ARHGAP6: variants seen among roughly 807,000 people sequenced by gnomAD.
ARHGAP6 encodes the protein rho GTPase-activating protein 6.
A neutral mutation model predicts 55.7 loss-of-function variants in ARHGAP6; 16 were observed. That is an observed-to-expected ratio of 0.29 (90% CI 0.19 to 0.44). The LOEUF (loss-of-function observed/expected upper bound fraction) is 0.44, where lower values mean the gene tolerates loss of function less well. Among genes scored for constraint, ARHGAP6 ranks in the 20% least tolerant of loss-of-function variants. The probability of loss-of-function intolerance (pLI) is 1.00; values close to 1 mark genes in which losing one functional copy is unlikely to be tolerated. For missense variants in ARHGAP6, 698 were observed against 808.9 expected, an observed-to-expected ratio of 0.86 and a Z score of 1.66; for synonymous variants, 382 against 360.9, an observed-to-expected ratio of 1.06 and a Z score of -0.66.
chrX:11,227,511 G>A (rs2047066336), intron 2 of ARHGAP6, among the ~76,000 whole-genome samples: 1 of 111,546 alleles, frequency 9.0e-6, no homozygotes, highest in Non-Finnish European at 1.9e-5. Flanking sequence ...TCTCTTCTGA[G>A]CCATCCTTCA....
intron 1 of ARHGAP6, among the ~76,000 whole-genome samples, chrX:11,546,957 A>G (rs2051217532): frequency 8.9e-6 from 1 of 112,573 alleles, no homozygotes; most frequent in African/African-American, 3.2e-5. Flanking sequence ...TGAACTCAAC[A>G]TCAAACACCC....
intron 1 of ARHGAP6, among the ~76,000 whole-genome samples, chrX:11,494,987 A>G (rs761237029): frequency 1.1e-3 from 123 of 112,300 alleles, no homozygotes; most frequent in Non-Finnish European, 2.2e-3. Context: ...TTTTATAACT[A>G]GCTTAACATA....
intron 1 of ARHGAP6, among the ~76,000 whole-genome samples, chrX:11,635,892 C>T (rs2052413058): frequency 8.9e-6 from 1 of 112,035 alleles, no homozygotes; most frequent in Admixed American, 9.5e-5. Flanking sequence ...AGGTTGCATT[C>T]TACTTGGTAA....
intron 2 of ARHGAP6, among the ~76,000 whole-genome samples, chrX:11,227,704 G>T (rs931034248): frequency 9.1e-6 from 1 of 110,412 alleles, no homozygotes; most frequent in African/African-American, 3.3e-5. Context: ...CAACTCTCCA[G>T]ATTGACAGCC....
intron 1 of ARHGAP6, among the ~76,000 whole-genome samples, chrX:11,595,289 C>T (rs1334338198): frequency 4.1e-4 from 27 of 66,649 alleles, no homozygotes; most frequent in Admixed American, 2.5e-3. Context: ...GACTCTGTCT[C>T]AAGAGAAAAA....
chrX:11,475,005 C>G (rs767555954), intron 1 of ARHGAP6, among the ~76,000 whole-genome samples: 1 of 111,085 alleles, frequency 9.0e-6, no homozygotes, highest in Non-Finnish European at 1.9e-5. Context: ...ATGCCAGTAC[C>G]ATAGTACTTT....
intron 1 of ARHGAP6, among the ~76,000 whole-genome samples, chrX:11,358,288 T>C (rs2048957889): frequency 8.9e-6 from 1 of 111,842 alleles, no homozygotes; most frequent in Non-Finnish European, 1.9e-5. Flanking sequence ...ATTTGGATTG[T>C]TTTCAATTCT....
intron 1 of ARHGAP6, among the ~76,000 whole-genome samples, chrX:11,517,516 A>G (rs2050854761): frequency 9.0e-6 from 1 of 111,572 alleles, no homozygotes; most frequent in Non-Finnish European, 1.9e-5. Context: ...CATAGGTTCA[A>G]CTGTCATGTC....
chrX:11,285,942 C>T (rs927147919), intron 1 of ARHGAP6, among the ~76,000 whole-genome samples: 4 of 112,073 alleles, frequency 3.6e-5, no homozygotes, highest in Admixed American at 9.4e-5. Context: ...TCGTTAGCTA[C>T]GGTATAAATC....
intron 1 of ARHGAP6, among the ~76,000 whole-genome samples, chrX:11,268,022 T>C (rs1243985208): frequency 8.9e-6 from 1 of 112,053 alleles, no homozygotes; most frequent in Non-Finnish European, 1.9e-5. Flanking sequence ...ACAATGGTCA[T>C]TTTTTTCCCA....
intron 1 of ARHGAP6, among the ~76,000 whole-genome samples, chrX:11,439,391 A>G (rs1251491870): frequency 8.9e-6 from 1 of 112,600 alleles, no homozygotes; most frequent in Admixed American, 9.4e-5. Flanking sequence ...TTACTTGTCT[A>G]TGACTGCTTT....
At chrX:11,644,580 T>C (rs1398324612) in intron 1 of ARHGAP6, among the ~76,000 whole-genome samples, 2 of 110,330 alleles carry the variant, frequency 1.8e-5, no homozygotes, top group Non-Finnish European at 3.8e-5. Context: ...TACATGAAAA[T>C]ATGGTCAGCA....
intron 1 of ARHGAP6, among the ~76,000 whole-genome samples, chrX:11,661,163 A>G (rs1443703852): frequency 8.9e-6 from 1 of 112,665 alleles, no homozygotes. Context: ...TCTGATCCAC[A>G]AGAATTAGGA....
intron 1 of ARHGAP6, among the ~76,000 whole-genome samples, chrX:11,444,974 A>G: frequency 8.9e-6 from 1 of 112,099 alleles, no homozygotes; most frequent in Middle Eastern, 4.6e-3. Context: ...TTCTAAAATC[A>G]TTCTCTTCTG....
At chrX:11,543,342 T>C (rs2051179037) in intron 1 of ARHGAP6, among the ~76,000 whole-genome samples, 1 of 112,923 alleles carries the variant, frequency 8.9e-6, no homozygotes, top group African/African-American at 3.2e-5. Context: ...TTTAGAACAA[T>C]AGTTCTCAAC....
intron 1 of ARHGAP6, among the ~76,000 whole-genome samples, chrX:11,617,438 C>G (rs899237923): frequency 9.0e-6 from 1 of 111,689 alleles, no homozygotes; most frequent in Non-Finnish European, 1.9e-5. Flanking sequence ...AAAATAGTCT[C>G]CCAATTTCAT....
chrX:11,508,185 C>T (rs750317592), intron 1 of ARHGAP6, among the ~76,000 whole-genome samples: 3 of 110,495 alleles, frequency 2.7e-5, no homozygotes, highest in Admixed American at 9.7e-5. Flanking sequence ...TTTTAAGAGT[C>T]GGAGTCTTGC....
chrX:11,220,475 A>G (rs1242282635), intron 2 of ARHGAP6, among the ~76,000 whole-genome samples: 1 of 111,430 alleles, frequency 9.0e-6, no homozygotes, highest in East Asian at 2.8e-4. Context: ...GGGGGCCAAT[A>G]TTCAACATTC....
At chrX:11,564,511 G>A (rs2051421832) in intron 1 of ARHGAP6, among the ~76,000 whole-genome samples, 2 of 109,620 alleles carry the variant, frequency 1.8e-5, no homozygotes, top group Non-Finnish European at 3.8e-5. Flanking sequence ...ATTCTTGAAG[G>A]AAAAAATATA....
Sources: allele counts gnomAD v4.1 joint callset (sites outside exome capture counted in the v4.1 genomes callset), GRCh38; gene constraint gnomAD v4.1.1; transcripts MANE v1.5; gene names NCBI Gene and HGNC (gene_info 2026-07-23, HGNC 2026-07-21).